Variants in OR3A2 observed in about 807,000 individuals in gnomAD.
The protein encoded by OR3A2 is olfactory receptor 3A2.
For missense variants in OR3A2, 318 were observed against 392.8 expected, an observed-to-expected ratio of 0.81 and a Z score of 1.61; for synonymous variants, 126 against 159.3, an observed-to-expected ratio of 0.79 and a Z score of 1.57.
In OR3A2 at chr17:3,322,177, T is replaced by C. The variant is rs977447644; in HGVS notation, c.-85+13856A>G. On this transcript the variant is annotated intron_variant, in intron 3 of 4. Coordinates refer to the OR3A2 transcript ENST00000573491. ...ATTTGCGTAGAGGTGTTTATAGTAT[T>C]CTCTGATGGTAGTTTGTATTTCTGT... Among the ~76,000 whole-genome samples the C allele has an allele frequency of 5.1e-4, 78 of 152,316 alleles. 1 individual carries two copies. Among genetic ancestry groups the C allele is most frequent in the African/African-American group, 1.9e-3 (77 of 41,568 alleles).
upstream of OR3A2, among the ~76,000 whole-genome samples, chr17:3,285,078 CTA>C (rs1318720738): frequency 6.6e-6 from 1 of 152,124 alleles, no homozygotes; most frequent in African/African-American, 2.4e-5. Context: ...GAGATGAGCC[CTA>C]TGATGCTAGC....
In OR3A2 at chr17:3,372,590, G is replaced by C. The variant is rs1455832563; in HGVS notation, c.-179+11214C>G. The stretch of plus-strand genomic sequence containing the variant: ...CAATCCCGGCACCTCGGGAGGCCGA[G>C]GCTGGCGGATCACTCGCGGTTAGGA... On this transcript the variant is annotated intron_variant, in intron 2 of 4. Coordinates refer to the OR3A2 transcript ENST00000573491. Among the ~76,000 whole-genome samples, 9 of 152,168 alleles carry C rather than the reference G, an allele frequency of 5.9e-5. 1 individual carries two copies. The highest frequency in any genetic ancestry group is 3.9e-4 in the Admixed American group (6 of 15,278).
intron 2 of OR3A2, among the ~76,000 whole-genome samples, chr17:3,372,312 C>T (rs537984463): frequency 1.1e-4 from 16 of 149,246 alleles, no homozygotes; most frequent in Admixed American, 6.6e-4. Context: ...GGATGGCGGC[C>T]GGGCAGAGAC....
intron 2 of OR3A2, among the ~76,000 whole-genome samples, chr17:3,376,512 T>C (rs1215618168): frequency 6.6e-6 from 1 of 152,128 alleles, no homozygotes; most frequent in African/African-American, 2.4e-5. Flanking sequence ...TGGAGTTATG[T>C]TCCCAGGGGG....
intron 2 of OR3A2, among the ~76,000 whole-genome samples, chr17:3,356,135 C>G (rs972221229): frequency 2.6e-5 from 4 of 151,324 alleles, no homozygotes; most frequent in Admixed American, 1.3e-4. Flanking sequence ...AATTCTACAC[C>G]TAAACTTCAT....
chr17:3,350,064 C>T (rs1341705863), intron 2 of OR3A2, among the ~76,000 whole-genome samples: 1 of 145,244 alleles, frequency 6.9e-6, no homozygotes, highest in Non-Finnish European at 1.5e-5. Context: ...GCACTAAATG[C>T]CCACAAGAGA....
intron 3 of OR3A2, among the ~76,000 whole-genome samples, chr17:3,330,847 G>T (rs1020585590): frequency 1.3e-5 from 2 of 151,900 alleles, no homozygotes; most frequent in African/African-American, 4.8e-5. Flanking sequence ...GCAGCAGCTG[G>T]TACCGGTTGT....
chr17:3,348,159 G>A (rs1217267877), intron 2 of OR3A2, among the ~76,000 whole-genome samples: 1 of 152,086 alleles, frequency 6.6e-6, no homozygotes, highest in South Asian at 2.1e-4. Flanking sequence ...GTTGTCAGAT[G>A]AGTAGGTTGT....
chr17:3,299,351 C>T (rs944906348), intron 3 of OR3A2, among the ~76,000 whole-genome samples: 1 of 152,178 alleles, frequency 6.6e-6, no homozygotes, highest in African/African-American at 2.4e-5. Context: ...CTCAGGAATG[C>T]AGTGCTTTCT....
rs113554446 is a variant in OR3A2, at chr17:3,279,066, A to G, written c.-6-143T>C. ...CTCGTTGACCTCCTCCATCACCTCAATGCCTTTACCTTGCTCTTGGTTGAC... is the reference window on the plus strand; with the variant it reads ...CTCGTTGACCTCCTCCATCACCTCAGTGCCTTTACCTTGCTCTTGGTTGAC... On this transcript the variant is annotated intron_variant, in intron 1 of 1. Transcript: ENST00000642052. 521 of 1,391,908 alleles carry G rather than the reference A, an allele frequency of 3.7e-4. No homozygotes were observed. The African/African-American group carries it at 5.1e-3, about 14-fold the overall frequency. 86.2% of individuals were successfully genotyped at this position (1,391,908 alleles called of 1,614,324 possible). A position where few individuals can be genotyped will look rare whatever the true frequency, so the allele number is the denominator to read the frequency against.
At chr17:3,329,133 T>C (rs969818690) in intron 3 of OR3A2, among the ~76,000 whole-genome samples, 100 of 152,060 alleles carry the variant, frequency 6.6e-4, no homozygotes, top group African/African-American at 2.3e-3. Context: ...TTGAGGATTT[T>C]TGCATCAATG....
chr17:3,348,303 G>A (rs2049387314), intron 2 of OR3A2, among the ~76,000 whole-genome samples: 1 of 152,200 alleles, frequency 6.6e-6, no homozygotes, highest in East Asian at 1.9e-4. Flanking sequence ...TGGTGTTTTA[G>A]ACATGAAGTC....
chr17:3,338,167 A>G (rs1425172362), intron 2 of OR3A2, among the ~76,000 whole-genome samples: 1 of 152,194 alleles, frequency 6.6e-6, no homozygotes, highest in African/African-American at 2.4e-5. Context: ...GATTCTGGAC[A>G]TTAGCCCTTT....
At chr17:3,338,441 T>C (rs1339016823) in intron 2 of OR3A2, among the ~76,000 whole-genome samples, 1 of 152,196 alleles carries the variant, frequency 6.6e-6, no homozygotes, top group Non-Finnish European at 1.5e-5. Flanking sequence ...CTTGAATTAA[T>C]TTTTGTATAA....
intron 1 of OR3A2, chr17:3,385,851 G>A (rs1227018814): frequency 2.5e-6 from 1 of 398,382 alleles, no homozygotes; most frequent in Non-Finnish European, 4.4e-6. Context: ...TCAACATGCA[G>A]GAAGTCTACC....
chr17:3,373,706 T>C (rs1437116522), intron 2 of OR3A2, among the ~76,000 whole-genome samples: 2 of 152,208 alleles, frequency 1.3e-5, no homozygotes, highest in African/African-American at 4.8e-5. Flanking sequence ...GGTGAGCCTC[T>C]TGAAGACAGA....
intron 3 of OR3A2, among the ~76,000 whole-genome samples, chr17:3,326,108 A>G (rs1289039729): frequency 6.6e-6 from 1 of 152,148 alleles, no homozygotes; most frequent in Non-Finnish European, 1.5e-5. Flanking sequence ...TGTTCCTGCA[A>G]AGGACAGGAT....
At chr17:3,357,953 G>T (rs777528953) in intron 2 of OR3A2, among the ~76,000 whole-genome samples, 10 of 151,592 alleles carry the variant, frequency 6.6e-5, no homozygotes, top group African/African-American at 1.7e-4. Context: ...GCCTGGCAGA[G>T]ATCAGAGTGG....
intron 3 of OR3A2, among the ~76,000 whole-genome samples, chr17:3,308,306 T>C (rs1597330775): frequency 6.6e-6 from 1 of 152,270 alleles, no homozygotes; most frequent in African/African-American, 2.4e-5. Flanking sequence ...TTTGTCTGTC[T>C]GTCCTTTATA....
Sources: gnomAD v4.1 joint callset for allele counts (sites outside exome capture counted in the v4.1 genomes callset) on GRCh38, gnomAD v4.1.1 for gene constraint, MANE v1.5 for transcripts, NCBI Gene and HGNC (gene_info 2026-07-23, HGNC 2026-07-21) for gene names.